USP43: variants seen among roughly 807,000 people sequenced by gnomAD.
USP43 encodes ubiquitin specific peptidase 43, also known as ubiquitin carboxyl-terminal hydrolase 43.
A neutral mutation model predicts 90.7 loss-of-function variants in USP43; 33 were observed. That is an observed-to-expected ratio of 0.36 (90% CI 0.28 to 0.49). The LOEUF (loss-of-function observed/expected upper bound fraction) is 0.49, where lower values mean the gene tolerates loss of function less well. Among genes scored for constraint, USP43 ranks in the 20% least tolerant of loss-of-function variants. USP43 has a pLI of 0.98. For synonymous variants in USP43, 598 were observed against 615.8 expected (o/e 0.97, Z 0.43); for missense variants, 1,274 against 1,476.4 (o/e 0.86, Z 2.25).
At chr17:9,681,721 T>C (rs1273171880) in intron 6 of USP43, among the ~76,000 whole-genome samples, 1 of 151,520 alleles carries the variant, frequency 6.6e-6, no homozygotes, top group Non-Finnish European at 1.5e-5. Context: ...CTCGAACTCC[T>C]AACCTCAGGT....
At chr17:9,692,939 G>T (rs1354068134) in intron 8 of USP43, among the ~76,000 whole-genome samples, 188 bp from the exon 9 acceptor site, 1 of 151,998 alleles carries the variant, frequency 6.6e-6, no homozygotes, top group African/African-American at 2.4e-5. Context: ...TGCATTACAG[G>T]GTATAGTGTG....
rs1055873082 is a variant in USP43 at position 9,672,478 on chromosome 17, A to G, written c.741-2413A>G. Among the ~76,000 whole-genome samples, 6 of 152,340 alleles carry G rather than the reference A, an allele frequency of 3.9e-5. No homozygotes were observed. The South Asian group carries it at 1.2e-3, about 32-fold the overall frequency. ...GCATAGTTTTGGTAGGCTGAAAAGC[A>G]TGAAGACGTCAATGAAAAACATTCT... On this transcript the variant is annotated intron_variant, in intron 3 of 14. Coordinates refer to ENST00000285199, the MANE Select transcript of USP43 (RefSeq NM_153210.5).
At chr17:9,720,321 CAAAAAAAAAAA>C (rs980644442) in intron 14 of USP43, among the ~76,000 whole-genome samples, 1 of 43,738 alleles carries the variant, frequency 2.3e-5, no homozygotes, top group East Asian at 7.7e-4. Flanking sequence ...GACTCCATCT[CAAAAAAAAAAA>C]AAAAAAAAGA....
intron 1 of USP43, among the ~76,000 whole-genome samples, chr17:9,655,615 C>T (rs999035522): frequency 7.9e-5 from 12 of 152,168 alleles, no homozygotes; most frequent in African/African-American, 2.4e-4. Context: ...GCAAACACCA[C>T]GAGGGCAGTG....
At chr17:9,719,911 A>G (rs962393982) in intron 14 of USP43, among the ~76,000 whole-genome samples, 2 of 152,142 alleles carry the variant, frequency 1.3e-5, no homozygotes, top group Non-Finnish European at 2.9e-5. Context: ...TACTAAAAAT[A>G]CAAAAATTAG....
intron 6 of USP43, among the ~76,000 whole-genome samples, chr17:9,682,502 A>G (rs781396003): frequency 6.6e-6 from 1 of 152,218 alleles, no homozygotes; most frequent in Admixed American, 6.5e-5. Context: ...CCTGGAAGGT[A>G]GAGTTTGCAG....
At chr17:9,700,348 G>T in intron 10 of USP43, 99 bp downstream of exon 10, 1 of 1,164,962 alleles carries the variant, frequency 8.6e-7, no homozygotes, top group Admixed American at 2.3e-5. Flanking sequence ...CTGCAGGCAG[G>T]GTGCACACAT....
At chr17:9,690,148 C>T (rs1362944006) in intron 8 of USP43, among the ~76,000 whole-genome samples, 4 of 152,114 alleles carry the variant, frequency 2.6e-5, no homozygotes, top group Non-Finnish European at 5.9e-5. Context: ...CCAAAGGGGT[C>T]GGCTCACAAC....
intron 6 of USP43, among the ~76,000 whole-genome samples, chr17:9,680,829 G>A (rs4791858): frequency 0.37 from 55,276 of 151,318 alleles, 12,563 homozygotes; most frequent in East Asian, 0.7. Context: ...TGAGCAGTAC[G>A]TGGTTAAAGT....
rs1915552597 is a variant in USP43 at position 9,701,282 on chromosome 17, G to C, written c.1662+37G>C. 6.3e-7 allele frequency: 1 copy of C among 1,596,888 alleles called. No homozygotes were observed. The highest frequency in any genetic ancestry group is 8.5e-7 in the Non-Finnish European group (1 of 1,171,134). Reference sequence around the variant, plus strand: ...GGGGTCCATGCCCCGGCCGGGAAGGGGGCTGGCTGCCTTTGGTGGGTTGGC... The same window carrying C: ...GGGGTCCATGCCCCGGCCGGGAAGGCGGCTGGCTGCCTTTGGTGGGTTGGC... On this transcript the variant is annotated intron_variant, in intron 11 of 14. Transcript: ENST00000285199. The surrounding 1 kb of genome is among the most constrained non-coding windows in gnomAD (Gnocchi z 7.2).
intron 5 of USP43, among the ~76,000 whole-genome samples, chr17:9,677,152 T>C (rs187670069): frequency 2.6e-5 from 4 of 152,308 alleles, no homozygotes; most frequent in Non-Finnish European, 5.9e-5. Context: ...TACCCCTAGG[T>C]AGTGCTTACT....
chr17:9,712,194 A>T, intron 14 of USP43, 62 bp downstream of exon 14: 3 of 1,473,666 alleles, frequency 2.0e-6, no homozygotes, highest in Non-Finnish European at 2.7e-6. Context: ...GTTATTGCTC[A>T]GTATGAAAGC....
At chr17:9,673,878 A>G (rs1361337952) in intron 3 of USP43, among the ~76,000 whole-genome samples, 1 of 152,168 alleles carries the variant, frequency 6.6e-6, no homozygotes, top group East Asian at 1.9e-4. Flanking sequence ...CATGTTAGTT[A>G]TTACTTTAAG....
chr17:9,677,384 A>G (rs1351697196), intron 5 of USP43, among the ~76,000 whole-genome samples: 1 of 152,246 alleles, frequency 6.6e-6, no homozygotes, highest in Non-Finnish European at 1.5e-5. Flanking sequence ...GTATATTTTC[A>G]GTCTTGGCAA....
chr17:9,729,170 A>G lies in USP43; in HGVS notation c.*180A>G, dbSNP rs1213472148. 6 of 501,128 alleles carry G rather than the reference A, an allele frequency of 1.2e-5. No homozygotes were observed. The highest frequency in any genetic ancestry group is 1.9e-5 in the Non-Finnish European group (6 of 311,284). The allele number at this position is 501,128 out of a possible 1,614,324, so 31.0% of individuals were successfully genotyped here. On this transcript the variant is annotated 3_prime_UTR_variant, in exon 15 of 15. Transcript: ENST00000285199. The stretch of plus-strand genomic sequence containing the variant: ...TAGACTTCCAACACCCAAGGTCCAT[A>G]TAACCCAAGGTCGAAAACCTTCCTG...
intron 9 of USP43, among the ~76,000 whole-genome samples, chr17:9,696,308 T>A (rs890924446): frequency 1.3e-5 from 2 of 152,080 alleles, no homozygotes; most frequent in Non-Finnish European, 2.9e-5. Flanking sequence ...TAATTTCTTG[T>A]ATTTTAGTAT....
At chr17:9,723,301 G>A (rs963716947) in intron 14 of USP43, among the ~76,000 whole-genome samples, 11 of 152,104 alleles carry the variant, frequency 7.2e-5, no homozygotes, top group African/African-American at 2.4e-4. Context: ...CTAGGTGCGG[G>A]TTTTTGTTCT....
At chr17:9,702,964 G>A (rs796154390) in intron 12 of USP43, among the ~76,000 whole-genome samples, 8 of 152,314 alleles carry the variant, frequency 5.3e-5, no homozygotes, top group African/African-American at 1.9e-4. Flanking sequence ...CACCAAAGCC[G>A]CTTTCAGCTG....
intron 1 of USP43, among the ~76,000 whole-genome samples, chr17:9,654,008 T>A (rs1469258238): frequency 6.6e-6 from 1 of 152,154 alleles, no homozygotes; most frequent in East Asian, 1.9e-4. Flanking sequence ...AAGGAGAACC[T>A]GAAAGATGAC....
Sources: allele counts gnomAD v4.1 joint callset (sites outside exome capture counted in the v4.1 genomes callset), GRCh38; gene constraint gnomAD v4.1.1; non-coding constraint Gnocchi (gnomAD v3.1); transcripts MANE v1.5; gene names NCBI Gene and HGNC (gene_info 2026-07-23, HGNC 2026-07-21).